Variants in TCERG1L observed in about 807,000 individuals in gnomAD.
TCERG1L encodes the protein transcription elongation regulator 1-like protein.
A neutral mutation model predicts 56.3 loss-of-function variants in TCERG1L; 37 were observed. That is an observed-to-expected ratio of 0.66 (90% CI 0.51 to 0.87). The LOEUF (loss-of-function observed/expected upper bound fraction) is 0.87, where lower values mean the gene tolerates loss of function less well. TCERG1L is among the 40% of genes least tolerant of loss of function. The pLI, the probability that TCERG1L is intolerant of heterozygous loss-of-function variation, is 0.00. For synonymous variants in TCERG1L, 324 were observed against 326.3 expected (o/e 0.99, Z 0.08); for missense variants, 799 against 774.2 (o/e 1.03, Z -0.38).
rs189691712 is a variant in TCERG1L at position 131,122,642 on chromosome 10, C to T, written c.1260-5708G>A. On this transcript the variant is annotated intron_variant, in intron 8 of 11. Transcript: ENST00000368642. Reference sequence around the variant, plus strand: ...TTTGGCTGCTCCTGCGTTGTCACCTCGATCATAAAACTGTAATCGTAAGCA... The same window carrying T: ...TTTGGCTGCTCCTGCGTTGTCACCTTGATCATAAAACTGTAATCGTAAGCA... Among the ~76,000 whole-genome samples the T allele has an allele frequency of 3.9e-3, 598 of 152,236 alleles. 5 individuals are homozygous for T. The highest frequency in any genetic ancestry group is 7.3e-3 in the Non-Finnish European group (497 of 68,024).
intron 3 of TCERG1L, among the ~76,000 whole-genome samples, chr10:131,307,411 A>G (rs1846827637): frequency 1.3e-5 from 2 of 152,244 alleles, no homozygotes; most frequent in African/African-American, 4.8e-5. Context: ...ACATCTTATT[A>G]CTAAATTTTA....
At chr10:131,168,445 C>G (rs1328858725) in intron 4 of TCERG1L, among the ~76,000 whole-genome samples, 3 of 152,222 alleles carry the variant, frequency 2.0e-5, no homozygotes, top group Non-Finnish European at 2.9e-5. Flanking sequence ...CAAGGCATCC[C>G]TCCCCAGCAC....
chr10:131,270,727 C>T (rs987948342), intron 3 of TCERG1L, among the ~76,000 whole-genome samples: 3 of 152,154 alleles, frequency 2.0e-5, no homozygotes, highest in Non-Finnish European at 4.4e-5. Context: ...TTTTTTCAAA[C>T]ACTTCCTTTA....
At chr10:131,144,350 C>T (rs576752642) in intron 7 of TCERG1L, among the ~76,000 whole-genome samples, 43 of 152,294 alleles carry the variant, frequency 2.8e-4, no homozygotes, top group African/African-American at 9.9e-4. Flanking sequence ...TGACGAGCCG[C>T]GACGAACGAT....
At chr10:131,180,304 G>C (rs1471140893) in intron 4 of TCERG1L, among the ~76,000 whole-genome samples, 1 of 152,220 alleles carries the variant, frequency 6.6e-6, no homozygotes, top group Non-Finnish European at 1.5e-5. Context: ...ACGCAGGAGC[G>C]AGGCCAGCTC....
chr10:131,296,071 A>C (rs2133578075), intron 3 of TCERG1L, among the ~76,000 whole-genome samples: 1 of 150,088 alleles, frequency 6.7e-6, no homozygotes, highest in East Asian at 2.0e-4. Flanking sequence ...CTGCTTTTTT[A>C]TTTTATGAAA....
chr10:131,178,933 T>G (rs1010434956), intron 4 of TCERG1L, among the ~76,000 whole-genome samples: 2 of 152,240 alleles, frequency 1.3e-5, no homozygotes, highest in African/African-American at 2.4e-5. Flanking sequence ...CGCTCACTAC[T>G]CATGTATGCT....
rs1037226727 is a variant in TCERG1L at position 131,191,228 on chromosome 10, T to C, written c.857-24343A>G. Among the ~76,000 whole-genome samples the C allele has an allele frequency of 9.7e-5, 14 of 144,160 alleles. 1 individual carries two copies. The highest frequency in any genetic ancestry group is 1.7e-4 in the Non-Finnish European group (11 of 65,338). 94.6% of individuals were successfully genotyped at this position (144,160 alleles called of 152,430 possible). ...TACAAAACACTGCTGAAAGAAATCA[T>C]AGATGACTCAAACTAATGAAAACAC... On this transcript the variant is annotated intron_variant, in intron 4 of 11. Transcript: ENST00000368642.
In TCERG1L at chr10:131,202,506, GGGAGGC is replaced by G. The variant is rs1845451476; in HGVS notation, c.857-35627_857-35622del. On this transcript the variant is annotated intron_variant, in intron 4 of 11. Transcript: ENST00000368642. ...TGAGGCAGGAGAATCCCTTGAACCT[GGGAGGC>G]GGAGGTTGCAGTAAGACAAGATCAT... Among the ~76,000 whole-genome samples, 6 of 152,142 alleles carry G rather than the reference GGGAGGC, an allele frequency of 3.9e-5. No homozygotes were observed. The South Asian group carries it at 1.2e-3, about 32-fold the overall frequency.
At chr10:131,245,444 G>A (rs1846021659) in intron 4 of TCERG1L, among the ~76,000 whole-genome samples, 1 of 151,990 alleles carries the variant, frequency 6.6e-6, no homozygotes, top group Admixed American at 6.6e-5. Flanking sequence ...AGTTGAAGTC[G>A]ACATTAGCTT....
At chr10:131,097,127 G>A (rs115459273) in intron 11 of TCERG1L, among the ~76,000 whole-genome samples, 2,863 of 148,576 alleles carry the variant, frequency 0.019, 91 homozygotes, top group African/African-American at 0.065. Flanking sequence ...CTTGAACCCC[G>A]GAGGCAAAGG....
chr10:131,206,508 C>A (rs934195452), intron 4 of TCERG1L, among the ~76,000 whole-genome samples: 1 of 152,220 alleles, frequency 6.6e-6, no homozygotes, highest in Admixed American at 6.5e-5. Flanking sequence ...ATGGAACAAG[C>A]GCCCCTCGTG....
At chr10:131,310,466 T>C (rs1228819965) in intron 1 of TCERG1L, among the ~76,000 whole-genome samples, 1 of 152,260 alleles carries the variant, frequency 6.6e-6, no homozygotes, top group Non-Finnish European at 1.5e-5. Flanking sequence ...TGGTGTATTC[T>C]AACATAACAC....
intron 3 of TCERG1L, among the ~76,000 whole-genome samples, chr10:131,280,279 A>C (rs1254477093): frequency 6.6e-6 from 1 of 151,288 alleles, no homozygotes; most frequent in Non-Finnish European, 1.5e-5. Flanking sequence ...GTGAGCACAG[A>C]GGTGATTTTG....
intron 3 of TCERG1L, among the ~76,000 whole-genome samples, chr10:131,292,818 T>C (rs897633837): frequency 6.6e-6 from 1 of 151,958 alleles, no homozygotes; most frequent in African/African-American, 2.4e-5. Flanking sequence ...TGTTTTCGTG[T>C]CCATGAGAAT....
chr10:131,291,239 G>A (rs575246529), intron 3 of TCERG1L, among the ~76,000 whole-genome samples: 2 of 151,828 alleles, frequency 1.3e-5, no homozygotes, highest in South Asian at 4.2e-4. Context: ...CCTATGTGTA[G>A]ATTACTATGT....
intron 7 of TCERG1L, among the ~76,000 whole-genome samples, chr10:131,144,311 G>T (rs970234542): frequency 1.2e-4 from 18 of 152,078 alleles, no homozygotes; most frequent in Non-Finnish European, 2.6e-4. Flanking sequence ...TCTCCCCTAG[G>T]CTTGTTATCA....
intron 4 of TCERG1L, among the ~76,000 whole-genome samples, chr10:131,227,078 A>T (rs1438729705): frequency 6.6e-6 from 1 of 152,186 alleles, no homozygotes; most frequent in African/African-American, 2.4e-5. Context: ...CTCGGCCCTC[A>T]CAGGACCCTG....
At chr10:131,309,006 A>C in intron 2 of TCERG1L, 147 bp downstream of exon 2, 1 of 916,856 alleles carries the variant, frequency 1.1e-6, no homozygotes, top group Non-Finnish European at 1.5e-6. Context: ...TGAACAAATC[A>C]ATCTAATCCT....
Sources: allele counts gnomAD v4.1 joint callset (sites outside exome capture counted in the v4.1 genomes callset), GRCh38; gene constraint gnomAD v4.1.1; transcripts MANE v1.5; gene names NCBI Gene and HGNC (gene_info 2026-07-23, HGNC 2026-07-21).